Variants in CSMD3 observed in about 807,000 individuals in gnomAD.
CSMD3 encodes the protein CUB and Sushi multiple domains 3.
Under a neutral mutation model 435.2 loss-of-function variants are expected in CSMD3, and 177 were observed. That is an observed-to-expected ratio of 0.41 (90% CI 0.36 to 0.46). CSMD3 has a LOEUF of 0.46. Ranked by LOEUF, CSMD3 falls within the 20% of genes least tolerant of loss-of-function variation. The probability of loss-of-function intolerance (pLI) is 0.34; values close to 1 mark genes in which losing one functional copy is unlikely to be tolerated. For missense variants in CSMD3, 4,265 were observed against 4,504.6 expected, an observed-to-expected ratio of 0.95 and a Z score of 1.52; for synonymous variants, 1,656 against 1,520.5, an observed-to-expected ratio of 1.09 and a Z score of -2.07.
chr8:112,407,124 C>A (rs1236479691), intron 34 of CSMD3, among the ~76,000 whole-genome samples: 1 of 151,566 alleles, frequency 6.6e-6, no homozygotes. Flanking sequence ...AATAATTTTA[C>A]ATTTTTTTCA....
At chr8:113,073,296 G>A (rs543082766) in intron 5 of CSMD3, among the ~76,000 whole-genome samples, 5 of 151,460 alleles carry the variant, frequency 3.3e-5, no homozygotes, top group Middle Eastern at 6.8e-3. Context: ...TTTTTTTTCC[G>A]ACTATCTTTT....
At chr8:112,698,291 A>G (rs1285251128) in intron 13 of CSMD3, among the ~76,000 whole-genome samples, 2 of 152,112 alleles carry the variant, frequency 1.3e-5, no homozygotes, top group East Asian at 1.9e-4. Context: ...AATCGTGTGA[A>G]CTCAAGTTTA....
chr8:113,425,779 G>GT (rs2094632852), intron 1 of CSMD3, among the ~76,000 whole-genome samples: 1 of 151,464 alleles, frequency 6.6e-6, no homozygotes, highest in Admixed American at 6.6e-5. Context: ...TTCAATACAG[G>GT]TAATTATGAG....
At chr8:112,614,427 T>C (rs1245105040) in intron 22 of CSMD3, among the ~76,000 whole-genome samples, 1 of 152,044 alleles carries the variant, frequency 6.6e-6, no homozygotes, top group Admixed American at 6.6e-5. Context: ...ACCAAAGCCT[T>C]TGTAATGACC....
At chr8:112,716,611 T>C (rs1234932628) in intron 13 of CSMD3, among the ~76,000 whole-genome samples, 3 of 152,170 alleles carry the variant, frequency 2.0e-5, no homozygotes, top group Admixed American at 2.0e-4. Context: ...AGAGCCCGTA[T>C]AGCCATGACA....
At chr8:112,396,944 G>A (rs1209232690) in intron 35 of CSMD3, among the ~76,000 whole-genome samples, 1 of 152,030 alleles carries the variant, frequency 6.6e-6, no homozygotes, top group Non-Finnish European at 1.5e-5. Context: ...TCTAATCAGA[G>A]GAAATAAGAA....
chr8:112,917,631 A>C (rs1246389201), intron 10 of CSMD3, among the ~76,000 whole-genome samples: 1 of 151,970 alleles, frequency 6.6e-6, no homozygotes, highest in East Asian at 1.9e-4. Context: ...TCCATCCATA[A>C]AGCGAGACTT....
intron 16 of CSMD3, among the ~76,000 whole-genome samples, chr8:112,669,983 C>T (rs1479099350): frequency 6.6e-6 from 1 of 152,088 alleles, no homozygotes; most frequent in Non-Finnish European, 1.5e-5. Context: ...AGTCTTTTTC[C>T]TTTCCTCCCA....
intron 32 of CSMD3, among the ~76,000 whole-genome samples, chr8:112,470,662 A>ATATATATAT (rs1818430303): frequency 6.6e-6 from 1 of 152,052 alleles, no homozygotes; most frequent in African/African-American, 2.4e-5. Context: ...TATCTCATTT[A>ATATATATAT]CTGCTCACAT....
At position 112,292,643 on chromosome 8, in the gene CSMD3, A is replaced by G. The variant is rs747631575; in HGVS notation, c.8682T>C (p.Asn2894=). ...TATTGCATGAGAATGTTACCACATC[A>G]TTAAAGTTGAACCCATTTCCACTTG... ...GRTSGNGFNF[N]DVVTFSCNIG... The change falls in exon 55 of 71, where the codon AAT becomes AAC. Residue 2894 remains asparagine (N), a synonymous_variant. Coordinates refer to ENST00000297405, the MANE Select transcript of CSMD3 (RefSeq NM_198123.2). The G allele has an allele frequency of 1.9e-6, 3 of 1,613,848 alleles. No individual in the cohort carries two copies. The highest frequency in any genetic ancestry group is 2.2e-5 in the South Asian group (2 of 91,082).
At chr8:112,330,042 A>G (rs1161809150) in intron 45 of CSMD3, among the ~76,000 whole-genome samples, 1 of 152,114 alleles carries the variant, frequency 6.6e-6, no homozygotes, top group Non-Finnish European at 1.5e-5. Context: ...AGCTATTACA[A>G]TACAAAAGGA....
At chr8:113,242,506 T>C (rs746536747) in intron 3 of CSMD3, among the ~76,000 whole-genome samples, 2 of 152,000 alleles carry the variant, frequency 1.3e-5, no homozygotes, top group Non-Finnish European at 2.9e-5. Context: ...AAATCATATA[T>C]TATTGCTAAC....
At chr8:113,104,776 A>G (rs1274917257) in intron 4 of CSMD3, among the ~76,000 whole-genome samples, 1 of 152,138 alleles carries the variant, frequency 6.6e-6, no homozygotes, top group African/African-American at 2.4e-5. Context: ...AAAATGAAAA[A>G]CATGTATAAC....
At chr8:112,326,402 T>G (rs1298001972) in intron 45 of CSMD3, among the ~76,000 whole-genome samples, 2 of 152,336 alleles carry the variant, frequency 1.3e-5, no homozygotes, top group African/African-American at 2.4e-5. Flanking sequence ...CTCGGTCTGC[T>G]GTTGGCTATT....
At chr8:112,461,916 T>A (rs1183632233) in intron 32 of CSMD3, among the ~76,000 whole-genome samples, 1 of 152,174 alleles carries the variant, frequency 6.6e-6, no homozygotes, top group Non-Finnish European at 1.5e-5. Context: ...ATACTTTAAT[T>A]CTCTAGCTTC....
At chr8:112,751,124 T>C (rs1411630538) in intron 13 of CSMD3, among the ~76,000 whole-genome samples, 3 of 152,118 alleles carry the variant, frequency 2.0e-5, no homozygotes, top group African/African-American at 7.2e-5. Flanking sequence ...TATTCTTTCT[T>C]TCTGAGAGAA....
intron 54 of CSMD3, among the ~76,000 whole-genome samples, chr8:112,295,395 G>T (rs905811366): frequency 9.9e-5 from 15 of 151,958 alleles, no homozygotes; most frequent in African/African-American, 3.6e-4. Flanking sequence ...TAATCTTGAT[G>T]TCATGACAGT....
At chr8:112,416,938 A>AAACCTGTT (rs562396255) in intron 32 of CSMD3, among the ~76,000 whole-genome samples, 113 of 152,286 alleles carry the variant, frequency 7.4e-4, no homozygotes, top group Non-Finnish European at 1.4e-3. Context: ...TTAAACCTGT[A>AAACCTGTT]AACCTGTTTT....
At chr8:112,958,150 A>G (rs1371002977) in intron 7 of CSMD3, among the ~76,000 whole-genome samples, 5 of 152,188 alleles carry the variant, frequency 3.3e-5, no homozygotes, top group Non-Finnish European at 5.9e-5. Flanking sequence ...TAAAAAATGA[A>G]CACCCAAGAT....
Sources: gnomAD v4.1 joint callset for allele counts (sites outside exome capture counted in the v4.1 genomes callset) on GRCh38, gnomAD v4.1.1 for gene constraint, MANE v1.5 for transcripts, NCBI Gene and HGNC (gene_info 2026-07-23, HGNC 2026-07-21) for gene names.